Variants in VIPR2 observed in about 807,000 individuals in gnomAD.
VIPR2 encodes the protein vasoactive intestinal peptide receptor 2, also known as vasoactive intestinal polypeptide receptor 2.
A neutral mutation model predicts 58.0 loss-of-function variants in VIPR2; 48 were observed. The observed-to-expected ratio is 0.83, with a 90% CI of 0.66 to 1.05. VIPR2 has a LOEUF of 1.05. Ranked by LOEUF, VIPR2 falls within the 50% of genes least tolerant of loss-of-function variation. VIPR2 has a pLI of 0.00. For synonymous variants in VIPR2, 243 were observed against 235.2 expected (o/e 1.03, Z -0.30); for missense variants, 534 against 558.0 (o/e 0.96, Z 0.43).
chr7:159,103,198 A>G (rs1042931272), intron 4 of VIPR2, among the ~76,000 whole-genome samples: 1 of 152,240 alleles, frequency 6.6e-6, no homozygotes, highest in Non-Finnish European at 1.5e-5. Flanking sequence ...AGATCACTGC[A>G]GCAAGTTTGT....
Position 159,098,874 on chromosome 7 carries a change from G to A in VIPR2, c.357+4883C>T, listed in dbSNP as rs1422499674. On this transcript the variant is annotated intron_variant, in intron 4 of 12. Coordinates refer to ENST00000262178, the MANE Select transcript of VIPR2 (RefSeq NM_003382.5). The surrounding 1 kb of genome is among the most constrained non-coding windows in gnomAD (Gnocchi z 5.2). ...AAAAATGTGAATCTGGGAAGCAAGT[G>A]GGCCTGATGGGACGAAGCGTGAGCT... Among the ~76,000 whole-genome samples, 1 of 152,236 alleles carries A rather than the reference G, an allele frequency of 6.6e-6. No homozygotes were observed. The highest frequency in any genetic ancestry group is 2.4e-5 in the African/African-American group (1 of 41,464).
In VIPR2 at chr7:159,144,819, C is replaced by T; in HGVS notation, c.-48G>A. 2.4e-6 allele frequency: 3 copies of T among 1,234,676 alleles called. No homozygotes were observed. The highest frequency in any genetic ancestry group is 3.0e-6 in the Non-Finnish European group (3 of 989,674). 76.5% of individuals were successfully genotyped at this position (1,234,676 alleles called of 1,614,324 possible). ...CCGCCCAGCGCCCGCCGCCTCCGTCCTAGGTCCCCGCGGTTCCGCCGCCTC... is the reference window on the plus strand; with the variant it reads ...CCGCCCAGCGCCCGCCGCCTCCGTCTTAGGTCCCCGCGGTTCCGCCGCCTC... On this transcript the variant is annotated 5_prime_UTR_variant, in exon 1 of 13. Transcript: ENST00000262178.
intron 4 of VIPR2, among the ~76,000 whole-genome samples, chr7:159,092,671 G>T (rs1310002423): frequency 1.5e-5 from 2 of 132,746 alleles, no homozygotes; most frequent in South Asian, 2.4e-4. Context: ...TTTTTTTTGA[G>T]ACTGAGTCTC....
intron 1 of VIPR2, among the ~76,000 whole-genome samples, chr7:159,143,897 C>T (rs949134151): frequency 1.3e-5 from 2 of 152,256 alleles, no homozygotes; most frequent in Non-Finnish European, 2.9e-5. Flanking sequence ...TGCGCCTCCG[C>T]GCAAGGCCAG....
Position 159,095,682 on chromosome 7 carries a change from C to T in VIPR2, c.357+8075G>A, listed in dbSNP as rs1212572379. On this transcript the variant is annotated intron_variant, in intron 4 of 12. Transcript: ENST00000262178. The surrounding 1 kb of genome is among the most constrained non-coding windows in gnomAD (Gnocchi z 5.2). The stretch of plus-strand genomic sequence containing the variant: ...AGACTCAAGGCCCTGCTGTTCTGCC[C>T]CCTTGGCCGTTATCCAGCCCACGGT... 6.6e-6 allele frequency among the ~76,000 whole-genome samples: 1 copy of T among 152,172 alleles called. No individual in the cohort carries two copies. The highest frequency in any genetic ancestry group is 1.5e-5 in the Non-Finnish European group (1 of 68,036).
intron 4 of VIPR2, among the ~76,000 whole-genome samples, chr7:159,101,334 CCT>C (rs548583451): frequency 0.011 from 1,307 of 116,774 alleles, 6 homozygotes; most frequent in African/African-American, 0.04. Flanking sequence ...AGGCGGTTCC[CCT>C]GACTGTTCCT....
At chr7:159,042,982 G>A in intron 6 of VIPR2, 53 bp downstream of exon 6, 2 of 1,589,062 alleles carry the variant, frequency 1.3e-6, no homozygotes, top group South Asian at 1.1e-5. Context: ...TGAGAAGAGG[G>A]AACAGAGATA....
At chr7:159,102,769 G>A (rs1029412466) in intron 4 of VIPR2, among the ~76,000 whole-genome samples, 1 of 152,226 alleles carries the variant, frequency 6.6e-6, no homozygotes. Flanking sequence ...CAAGCTGATG[G>A]TTTTGCCCGG....
intron 2 of VIPR2, among the ~76,000 whole-genome samples, chr7:159,123,672 G>C (rs532915090): frequency 1.9e-4 from 29 of 152,326 alleles, no homozygotes; most frequent in African/African-American, 6.0e-4. Flanking sequence ...TATATATCCA[G>C]TAATGGGATT....
At chr7:159,069,549 C>A (rs770646777) in intron 4 of VIPR2, among the ~76,000 whole-genome samples, 16 of 152,170 alleles carry the variant, frequency 1.1e-4, no homozygotes, top group Non-Finnish European at 1.6e-4. Context: ...ATTGGAGCCT[C>A]ACAAAAACTC....
Position 159,063,815 on chromosome 7 carries a change from T to A in VIPR2, c.358-5237A>T, listed in dbSNP as rs1167971471. 1.4e-3 allele frequency among the ~76,000 whole-genome samples: 105 copies of A among 73,516 alleles called. 1 individual carries two copies. The highest frequency in any genetic ancestry group is 7.3e-3 in the African/African-American group (87 of 11,978). 48.2% of individuals were successfully genotyped at this position (73,516 alleles called of 152,430 possible). A position where few individuals can be genotyped will look rare whatever the true frequency, so the allele number is the denominator to read the frequency against. On this transcript the variant is annotated intron_variant, in intron 4 of 12. Coordinates refer to ENST00000262178, the MANE Select transcript of VIPR2 (RefSeq NM_003382.5). ...GGGTCCTGGTGGGGTCCGGGGGTCC[T>A]GGTGGGGTCCGGGGGTCCTGGTGGG...
chr7:159,113,249 G>C (rs1328734269), intron 2 of VIPR2, among the ~76,000 whole-genome samples: 1 of 152,174 alleles, frequency 6.6e-6, no homozygotes, highest in African/African-American at 2.4e-5. Context: ...GTTATCTATA[G>C]ATTGCAGACA....
At chr7:159,062,747 A>T (rs7787641) in intron 4 of VIPR2, among the ~76,000 whole-genome samples, 1 of 151,978 alleles carries the variant, frequency 6.6e-6, no homozygotes, top group Non-Finnish European at 1.5e-5. Flanking sequence ...GACCCAGTGA[A>T]TTGTCTCTAC....
intron 4 of VIPR2, among the ~76,000 whole-genome samples, chr7:159,090,015 C>CAATCCCT (rs1563314504): frequency 4.5e-5 from 5 of 111,338 alleles, no homozygotes; most frequent in African/African-American, 9.6e-5. Context: ...GCTGGGATCA[C>CAATCCCT]GCACAGGGGC....
At chr7:159,043,866 G>C (rs1027770667) in intron 5 of VIPR2, among the ~76,000 whole-genome samples, 1 of 152,234 alleles carries the variant, frequency 6.6e-6, no homozygotes, top group Admixed American at 6.5e-5. Flanking sequence ...CACTTGGCAG[G>C]GGAAGCAAAC....
rs1854457030 is a variant in VIPR2 at position 159,043,258 on chromosome 7, C to T, written c.456-82G>A. On this transcript the variant is annotated intron_variant, in intron 5 of 12. Coordinates refer to ENST00000262178, the MANE Select transcript of VIPR2 (RefSeq NM_003382.5). ...GAGAACCAGACAGAGATGAGAAACT[C>T]ATACTATGATCAGAGAAGCACAGAA... 4 of 1,278,868 alleles carry T rather than the reference C, an allele frequency of 3.1e-6. No homozygotes were observed. The East Asian group carries it at 1.0e-4, about 33-fold the overall frequency. 79.2% of individuals were successfully genotyped at this position (1,278,868 alleles called of 1,614,324 possible). A position where few individuals can be genotyped will look rare whatever the true frequency, so the allele number is the denominator to read the frequency against.
rs564822106 is a variant in VIPR2, at chr7:159,098,131, T to C, written c.357+5626A>G. ...CCCGTCCTCTGCCTGAGCTGTTCTG[T>C]TTTCCACGCAGTGGGAACCCCGGCC... On this transcript the variant is annotated intron_variant, in intron 4 of 12. Transcript: ENST00000262178. This position sits in a 1 kb window ranked among gnomAD's most constrained non-coding sequence, Gnocchi z 5.2. 4.6e-5 allele frequency among the ~76,000 whole-genome samples: 7 copies of C among 152,220 alleles called. No homozygotes were observed. Among genetic ancestry groups the C allele is most frequent in the African/African-American group, 1.2e-4 (5 of 41,536 alleles).
In VIPR2 at chr7:159,144,741, T is replaced by C; in HGVS notation, c.31A>G (p.Thr11Ala). The part of the protein sequence containing the change: MRTLLPPALL[T>A]CWLLAPVNSI... ...CTCACGGGGGCGAGCAGCCAGCAGG[T>C]CAGCAGCGCGGGAGGCAGCAGCGTC... Residue 11 changes from threonine (T) to alanine (A), a missense_variant, in exon 1 of 13, where the codon ACC (threonine) becomes GCC (alanine). Coordinates refer to ENST00000262178, the MANE Select transcript of VIPR2 (RefSeq NM_003382.5). The C allele has an allele frequency of 7.7e-7, 1 of 1,307,020 alleles. No individual in the cohort carries two copies. Among genetic ancestry groups the C allele is most frequent in the Non-Finnish European group, 9.7e-7 (1 of 1,030,030 alleles). 81.0% of individuals were successfully genotyped at this position (1,307,020 alleles called of 1,614,324 possible).
chr7:159,055,044 G>A (rs927349478), intron 5 of VIPR2, among the ~76,000 whole-genome samples: 7 of 152,192 alleles, frequency 4.6e-5, no homozygotes, highest in Non-Finnish European at 7.3e-5. Flanking sequence ...AGCATTATTT[G>A]CTATGCCTCA....
Sources: allele counts gnomAD v4.1 joint callset (sites outside exome capture counted in the v4.1 genomes callset), GRCh38; gene constraint gnomAD v4.1.1; non-coding constraint Gnocchi (gnomAD v3.1); transcripts MANE v1.5; gene names NCBI Gene and HGNC (gene_info 2026-07-23, HGNC 2026-07-21).